Variants in FAF1 observed in about 807,000 individuals in gnomAD.
The protein encoded by FAF1 is Fas associated factor 1.
A neutral mutation model predicts 92.5 loss-of-function variants in FAF1; 25 were observed. The ratio of observed to expected loss-of-function variants is 0.27; its 90% CI spans 0.20 to 0.38. FAF1 has a LOEUF of 0.38. FAF1 is among the 10% of genes least tolerant of loss of function. The pLI is 1.00. For missense variants in FAF1, 636 were observed against 793.3 expected, an observed-to-expected ratio of 0.80 and a Z score of 2.38; for synonymous variants, 234 against 273.2, an observed-to-expected ratio of 0.86 and a Z score of 1.42.
intron 15 of FAF1, among the ~76,000 whole-genome samples, chr1:50,531,945 C>A (rs902445470): frequency 6.6e-6 from 1 of 152,108 alleles, no homozygotes; most frequent in Non-Finnish European, 1.5e-5. Context: ...AGCCAGCCTC[C>A]AAACCTGTTC....
chr1:50,576,168 T>A (rs1349478314), intron 12 of FAF1, among the ~76,000 whole-genome samples: 1 of 152,230 alleles, frequency 6.6e-6, no homozygotes, highest in Non-Finnish European at 1.5e-5. Flanking sequence ...ATCTGTCTTA[T>A]CCACAGTGCT....
intron 9 of FAF1, among the ~76,000 whole-genome samples, chr1:50,586,721 T>C (rs2124036843): frequency 6.6e-6 from 1 of 152,254 alleles, no homozygotes; most frequent in East Asian, 1.9e-4. Flanking sequence ...CCACAATGCT[T>C]TCTCATTTTA....
At chr1:50,785,156 G>C (rs1352811660) in intron 4 of FAF1, among the ~76,000 whole-genome samples, 1 of 76,646 alleles carries the variant, frequency 1.3e-5, no homozygotes, top group Non-Finnish European at 2.7e-5. Context: ...AAAAAAAAAA[G>C]ACTTGAAACT....
At chr1:50,780,246 GA>G (rs1422510866) in intron 4 of FAF1, 1 of 152,394 alleles carries the variant, frequency 6.6e-6, no homozygotes, top group Non-Finnish European at 1.5e-5. Flanking sequence ...GTCTGAAAAT[GA>G]AAAGATACAA....
At chr1:50,556,523 C>A (rs1649590538) in intron 13 of FAF1, among the ~76,000 whole-genome samples, 1 of 152,044 alleles carries the variant, frequency 6.6e-6, no homozygotes, top group African/African-American at 2.4e-5. Flanking sequence ...CACTTGTACC[C>A]CTAAATCTAT....
chr1:50,712,660 GA>G (rs200407686), intron 6 of FAF1, among the ~76,000 whole-genome samples: 7 of 150,032 alleles, frequency 4.7e-5, no homozygotes, highest in African/African-American at 1.7e-4. Flanking sequence ...TGTTGTAAAA[GA>G]AAAAAAAATG....
intron 13 of FAF1, among the ~76,000 whole-genome samples, chr1:50,560,412 T>C (rs1045890580): frequency 1.4e-4 from 21 of 152,342 alleles, no homozygotes; most frequent in Non-Finnish European, 1.6e-4. Context: ...CAAAAGCTAA[T>C]ACTGACAGGC....
chr1:50,775,581 A>C (rs951089641), intron 4 of FAF1, among the ~76,000 whole-genome samples: 1 of 152,112 alleles, frequency 6.6e-6, no homozygotes, highest in African/African-American at 2.4e-5. Context: ...TATCAAACAG[A>C]ATAGAGGAAA....
rs141048494 is a variant in FAF1, at chr1:50,642,111, G to A, written c.744+13331C>T. On this transcript the variant is annotated intron_variant, in intron 8 of 18. Coordinates refer to ENST00000396153, the MANE Select transcript of FAF1 (RefSeq NM_007051.3). ...CCAGCTACTCATGAGGCTGAGGCACGAGAATTGCTTGAACCCTGGAGGCGG... is the reference window on the plus strand; with the variant it reads ...CCAGCTACTCATGAGGCTGAGGCACAAGAATTGCTTGAACCCTGGAGGCGG... Among the ~76,000 whole-genome samples, 320 of 150,694 alleles carry A rather than the reference G, an allele frequency of 2.1e-3. 12 individuals are homozygous for A. In the East Asian group the frequency reaches 0.058, roughly 27 times the overall value.
chr1:50,851,864 A>C (rs1644354190), intron 2 of FAF1, among the ~76,000 whole-genome samples: 1 of 152,196 alleles, frequency 6.6e-6, no homozygotes, highest in Admixed American at 6.5e-5. Context: ...GAGTTTAGTG[A>C]ACTGAAAATT....
intron 15 of FAF1, among the ~76,000 whole-genome samples, chr1:50,521,975 G>A (rs1394879702): frequency 6.6e-6 from 1 of 152,196 alleles, no homozygotes; most frequent in Non-Finnish European, 1.5e-5. Flanking sequence ...AACTTCTACT[G>A]TGAGGTGTCA....
intron 2 of FAF1, among the ~76,000 whole-genome samples, chr1:50,852,276 A>C (rs1205050317): frequency 6.6e-6 from 1 of 152,232 alleles, no homozygotes; most frequent in Non-Finnish European, 1.5e-5. Context: ...AAGAAAAAGT[A>C]ATATCAGTAA....
At chr1:50,750,952 CA>C (rs1316531574) in intron 4 of FAF1, among the ~76,000 whole-genome samples, 1 of 145,710 alleles carries the variant, frequency 6.9e-6, no homozygotes, top group Non-Finnish European at 1.5e-5. Flanking sequence ...TGCGTACAAA[CA>C]AATAGCTCCA....
intron 18 of FAF1, among the ~76,000 whole-genome samples, chr1:50,469,194 T>C (rs183865798): frequency 6.6e-6 from 1 of 152,348 alleles, no homozygotes; most frequent in Admixed American, 6.5e-5. Context: ...GGACCAGTTT[T>C]CTTTACAACA....
chr1:50,819,317 C>T (rs1046544580), intron 2 of FAF1, among the ~76,000 whole-genome samples: 10 of 151,750 alleles, frequency 6.6e-5, no homozygotes, highest in Middle Eastern at 3.4e-3. Context: ...ATTTAAAATC[C>T]GTATGTTTTA....
chr1:50,530,340 C>T (rs1202779154), intron 15 of FAF1, among the ~76,000 whole-genome samples: 1 of 149,446 alleles, frequency 6.7e-6, no homozygotes, highest in Non-Finnish European at 1.5e-5. Context: ...AGAGTAAAAT[C>T]TCCTTTTAAA....
rs114496917 is a variant in FAF1, at chr1:50,473,705, T to C, written c.1869+1759A>G. ...AATAAAGGGGATGACCTTGGAGCAG[T>C]AGGCAGGGCCAGTGAGAAAAGGAAC... On this transcript the variant is annotated intron_variant, in intron 18 of 18. Transcript: ENST00000396153. Among the ~76,000 whole-genome samples the C allele has an allele frequency of 5.7e-3, 875 of 152,244 alleles. 3 individuals carry two copies. The highest frequency in any genetic ancestry group is 7.7e-3 in the Non-Finnish European group (525 of 68,016).
intron 15 of FAF1, among the ~76,000 whole-genome samples, chr1:50,497,694 GCATGCCAC>G (rs1156457720): frequency 6.6e-6 from 1 of 151,736 alleles, no homozygotes; most frequent in African/African-American, 2.4e-5. Flanking sequence ...GATTACAGGT[GCATGCCAC>G]CATGCCCGGC....
At chr1:50,689,215 G>GA (rs1352942930) in intron 7 of FAF1, among the ~76,000 whole-genome samples, 10 of 152,110 alleles carry the variant, frequency 6.6e-5, no homozygotes, top group African/African-American at 2.2e-4. Context: ...AAAAAACACA[G>GA]AAAAAATCAT....
Sources: allele counts gnomAD v4.1 joint callset (sites outside exome capture counted in the v4.1 genomes callset), GRCh38; gene constraint gnomAD v4.1.1; transcripts MANE v1.5; gene names NCBI Gene and HGNC (gene_info 2026-07-23, HGNC 2026-07-21).